The following TAS2R46 variants were observed in gnomAD, a reference collection of about 807,000 sequenced individuals.
TAS2R46 encodes taste receptor type 2 member 46.
For missense variants in TAS2R46, 361 were observed against 347.4 expected, an observed-to-expected ratio of 1.04 and a Z score of -0.31; for synonymous variants, 123 against 121.8, an observed-to-expected ratio of 1.01 and a Z score of -0.07.
chr12:11,062,040 G>A lies in TAS2R46; in HGVS notation c.255C>T (p.Tyr85=). The stretch of plus-strand genomic sequence containing the variant: ...AATGGTTGATTACTGCCCAGACATT[G>A]TAAGCAGTAATTCTTACTTCTATAC... ...FNSIEVRITA[Y]NVWAVINHFS... Residue 85 remains tyrosine, a synonymous_variant, in exon 1 of 1, where the codon TAC becomes TAT. Transcript: ENST00000533467. The A allele has an allele frequency of 6.2e-7, 1 of 1,612,256 alleles. No homozygotes were observed.
chr12:11,062,238 A>C lies in TAS2R46; in HGVS notation c.57T>G (p.Ile19Met). 6.2e-7 allele frequency: 1 copy of C among 1,613,344 alleles called. No individual in the cohort carries two copies. Among genetic ancestry groups the C allele is most frequent in the Non-Finnish European group, 8.5e-7 (1 of 1,179,544 alleles). The change falls in exon 1 of 1, where the codon ATT becomes ATG. Residue 19 changes from isoleucine to methionine, a missense_variant. Transcript: ENST00000533467. ...CTATGAAGCCATTAGCAAAATTTCC[A>C]ATCACAAATGTAACCACTATTAGAA... Reference protein sequence around the residue: ...FSILIVVTFVIGNFANGFIAL... With the variant: ...FSILIVVTFVMGNFANGFIAL...
chr12:11,061,742 A>C lies in TAS2R46; in HGVS notation c.553T>G (p.Leu185Val). 1 of 1,614,090 alleles carries C rather than the reference A, an allele frequency of 6.2e-7. No homozygotes were observed. Among genetic ancestry groups the C allele is most frequent in the Non-Finnish European group, 8.5e-7 (1 of 1,179,978 alleles). ...ATCAGGGTCAGAGTGAAGGGAACTA[A>C]GTTTGCTAGGATGGTTACCGTTGTA... ...SNTTVTILAN[L>V]VPFTLTLISF... Residue 185 changes from leucine (L) to valine (V), a missense_variant, in exon 1 of 1, where the codon TTA becomes GTA. Transcript: ENST00000533467.
At position 11,062,183 on chromosome 12, in the gene TAS2R46, T is replaced by C. The variant is rs1004956487; in HGVS notation, c.112A>G (p.Arg38Gly). The change falls in exon 1 of 1, where the codon AGA becomes GGA. Residue 38 changes from arginine to glycine, a missense_variant. Transcript: ENST00000533467. The stretch of plus-strand genomic sequence containing the variant: ...TGGTCAGCAAAAGAGATCTTTTGTC[T>C]CTTGAACCACTCAATGGAATTTACC... ...ALVNSIEWFK[R>G]QKISFADQIL... 2 of 1,613,498 alleles carry C rather than the reference T, an allele frequency of 1.2e-6. No individual in the cohort carries two copies. Among genetic ancestry groups the C allele is most frequent in the African/African-American group, 1.3e-5 (1 of 74,896 alleles).
Position 11,062,252 on chromosome 12 carries a change from C to A in TAS2R46, c.43G>T (p.Val15Phe), listed in dbSNP as rs774770069. 1.9e-6 allele frequency: 3 copies of A among 1,612,984 alleles called. No individual in the cohort carries two copies. The highest frequency in any genetic ancestry group is 2.5e-6 in the Non-Finnish European group (3 of 1,179,400). The change falls in exon 1 of 1, where the codon GTT becomes TTT. Residue 15 changes from valine to phenylalanine, a missense_variant. Coordinates refer to ENST00000533467, the MANE Select transcript of TAS2R46 (RefSeq NM_176887.2). ...GCAAAATTTCCAATCACAAATGTAACCACTATTAGAATGGAAAAAATGATG... is the reference window on the plus strand; with the variant it reads ...GCAAAATTTCCAATCACAAATGTAAACACTATTAGAATGGAAAAAATGATG... ...LPIIFSILIV[V>F]TFVIGNFANG...
Position 11,062,069 on chromosome 12 carries a change from T to A in TAS2R46, c.226A>T (p.Asn76Tyr), listed in dbSNP as rs765805745. ...GCAGTAATTCTTACTTCTATACTGT[T>A]AAAAGCTGGATTCAACTCAGTTGCA... ...WYATELNPAF[N>Y]SIEVRITAYN... The change falls in exon 1 of 1, where the codon AAC (asparagine) becomes TAC (tyrosine). Residue 76 changes from asparagine (N) to tyrosine (Y), a missense_variant. Coordinates refer to ENST00000533467, the MANE Select transcript of TAS2R46 (RefSeq NM_176887.2). 6.2e-7 allele frequency: 1 copy of A among 1,613,706 alleles called. No homozygotes were observed. Among genetic ancestry groups the A allele is most frequent in the South Asian group, 1.1e-5 (1 of 91,066 alleles).
rs1943607075 is a variant in TAS2R46 at position 11,061,621 on chromosome 12, A to G, written c.674T>C (p.Ile225Thr). ...GGAGGTCACAGTTTGCAAAGCTTTT[A>G]TGTGGACCTTCATGCTGGGATCTTG... ...GSQDPSMKVHIKALQTVTSFL... is the reference protein window; with the variant it reads ...GSQDPSMKVHTKALQTVTSFL... Residue 225 changes from isoleucine (I) to threonine (T), a missense_variant, in exon 1 of 1, where the codon ATA (isoleucine) becomes ACA (threonine). By Grantham distance (89) the Ile-to-Thr change is moderately conservative. Coordinates refer to ENST00000533467, the MANE Select transcript of TAS2R46 (RefSeq NM_176887.2). 1.2e-6 allele frequency: 2 copies of G among 1,614,096 alleles called. No individual in the cohort carries two copies. Among genetic ancestry groups the G allele is most frequent in the East Asian group, 2.2e-5 (1 of 44,878 alleles).
chr12:11,061,391 T>G lies in TAS2R46; in HGVS notation c.904A>C (p.Lys302Gln). ...TATGAAGATGAAGGCTTCTCTCCTTTCACCCAGTACCTCACATGCCACAAA... is the reference window on the plus strand; with the variant it reads ...TATGAAGATGAAGGCTTCTCTCCTTGCACCCAGTACCTCACATGCCACAAA... Reference protein sequence around the residue: ...SVLWHVRYWVKGEKPSSS With the variant: ...SVLWHVRYWVQGEKPSSS The change falls in exon 1 of 1, where the codon AAA (lysine) becomes CAA (glutamine). Residue 302 changes from lysine to glutamine, a missense_variant. Lys to Gln is a moderately conservative substitution (Grantham distance 53). Transcript: ENST00000533467. 6.2e-7 allele frequency: 1 copy of G among 1,613,736 alleles called. No homozygotes were observed. The highest frequency in any genetic ancestry group is 8.5e-7 in the Non-Finnish European group (1 of 1,179,814).
Position 11,061,373 on chromosome 12 carries a change from A to G in TAS2R46, c.922T>C (p.Ser308Pro), listed in dbSNP as rs1943592831. Reference protein sequence around the residue: ...RYWVKGEKPSSS With the variant: ...RYWVKGEKPSPS Reference sequence around the variant, plus strand: ...ATGCTGCTCTTGTGAATCTATGAAGATGAAGGCTTCTCTCCTTTCACCCAG... The same window carrying G: ...ATGCTGCTCTTGTGAATCTATGAAGGTGAAGGCTTCTCTCCTTTCACCCAG... Residue 308 changes from serine to proline, a missense_variant, in exon 1 of 1, where the codon TCT becomes CCT. Ser to Pro is a moderately conservative substitution (Grantham distance 74). Transcript: ENST00000533467. 6.2e-7 allele frequency: 1 copy of G among 1,612,430 alleles called. No individual in the cohort carries two copies. Among genetic ancestry groups the G allele is most frequent in the African/African-American group, 1.3e-5 (1 of 74,826 alleles).
At position 11,061,768 on chromosome 12, in the gene TAS2R46, T is replaced by C; in HGVS notation, c.527A>G (p.Asn176Ser). The C allele has an allele frequency of 6.2e-7, 1 of 1,614,098 alleles. No homozygotes were observed. Among genetic ancestry groups the C allele is most frequent in the Non-Finnish European group, 8.5e-7 (1 of 1,179,994 alleles). Residue 176 changes from asparagine to serine, a missense_variant, in exon 1 of 1, where the codon AAT (asparagine) becomes AGT (serine). Asn to Ser is a conservative substitution (Grantham distance 46, BLOSUM62 1). Transcript: ENST00000533467. ...IKLRSAMYLSNTTVTILANLV... is the reference protein window; with the variant it reads ...IKLRSAMYLSSTTVTILANLV... ...GTTTGCTAGGATGGTTACCGTTGTA[T>C]TTGAAAGGTACATTGCACTCCTCAG...
At chr12:11,061,620 T>TA in the TAS2R46 span, 2 of 1,613,978 alleles carry the variant, frequency 1.2e-6, no homozygotes, top group African/African-American at 2.7e-5. Flanking sequence ...GCAAAGCTTT[T>TA]ATGTGGACCT....
chr12:11,062,131 C>T lies in TAS2R46; in HGVS notation c.164G>A (p.Arg55Lys), dbSNP rs776679661. 6.2e-7 allele frequency: 1 copy of T among 1,613,662 alleles called. No homozygotes were observed. The highest frequency in any genetic ancestry group is 8.5e-7 in the Non-Finnish European group (1 of 1,179,800). ...DQILTALAVS[R>K]VGLLWVLVLN... ...TACTAATACCCAGAGTAAACCAACT[C>T]TGGAGACTGCCAGAGCAGTGAGAAT... The change falls in exon 1 of 1, where the codon AGA becomes AAA. Residue 55 changes from arginine (R) to lysine (K), a missense_variant. By Grantham distance (26) the Arg-to-Lys change is conservative (BLOSUM62 2). Coordinates refer to ENST00000533467, the MANE Select transcript of TAS2R46 (RefSeq NM_176887.2).
Position 11,061,485 on chromosome 12 carries a change from G to A in TAS2R46, c.810C>T (p.Ser270=). ...GGATGAATGGGTGGGTTGAAGGATAGCTGAATGCAATAGCTTCGCAGAACA... is the reference window on the plus strand; with the variant it reads ...GGATGAATGGGTGGGTTGAAGGATAACTGAATGCAATAGCTTCGCAGAACA... ...VFMFCEAIAF[S]YPSTHPFILI... The change falls in exon 1 of 1, where the codon AGC becomes AGT. Residue 270 remains serine, a synonymous_variant. Coordinates refer to ENST00000533467, the MANE Select transcript of TAS2R46 (RefSeq NM_176887.2). 3 of 1,614,132 alleles carry A rather than the reference G, an allele frequency of 1.9e-6. No individual in the cohort carries two copies. The highest frequency in any genetic ancestry group is 2.5e-6 in the Non-Finnish European group (3 of 1,179,980).
chr12:11,062,174 T>A lies in TAS2R46; in HGVS notation c.121A>T (p.Ile41Phe). 6.2e-7 allele frequency: 1 copy of A among 1,613,600 alleles called. No individual in the cohort carries two copies. Among genetic ancestry groups the A allele is most frequent in the Non-Finnish European group, 8.5e-7 (1 of 1,179,766 alleles). Residue 41 changes from isoleucine (I) to phenylalanine (F), a missense_variant, in exon 1 of 1, where the codon ATC (isoleucine) becomes TTC (phenylalanine). Physicochemically the swap from Ile to Phe is conservative, Grantham distance 21. Coordinates refer to ENST00000533467, the MANE Select transcript of TAS2R46 (RefSeq NM_176887.2). The stretch of plus-strand genomic sequence containing the variant: ...GTGAGAATTTGGTCAGCAAAAGAGA[T>A]CTTTTGTCTCTTGAACCACTCAATG... Reference protein sequence around the residue: ...NSIEWFKRQKISFADQILTAL... With the variant: ...NSIEWFKRQKFSFADQILTAL...
chr12:11,061,590 GA>G, the TAS2R46 span: 1 of 1,614,110 alleles, frequency 6.2e-7, no homozygotes, highest in South Asian at 1.1e-5. Context: ...CACATAACAA[GA>G]GGAAGGAGGT....
rs774533251 is a variant in TAS2R46 at position 11,062,000 on chromosome 12, C to G, written c.295G>C (p.Ala99Pro). 14 of 1,613,732 alleles carry G rather than the reference C, an allele frequency of 8.7e-6. No individual in the cohort carries two copies. Among genetic ancestry groups the G allele is most frequent in the African/African-American group, 2.7e-5 (2 of 74,882 alleles). ...AVINHFSNWL[A>P]TSLSIFYLLK... The stretch of plus-strand genomic sequence containing the variant: ...AAATAAAATATGCTGAGGCTAGTAG[C>G]AAGCCAGTTGCTGAAATGGTTGATT... Residue 99 changes from alanine (A) to proline (P), a missense_variant, in exon 1 of 1, where the codon GCT becomes CCT. Transcript: ENST00000533467.
chr12:11,061,524 G>C lies in TAS2R46; in HGVS notation c.771C>G (p.Asn257Lys), dbSNP rs776162761. 10 of 1,614,120 alleles carry C rather than the reference G, an allele frequency of 6.2e-6. No individual in the cohort carries two copies. The South Asian group carries it at 1.1e-4, about 18-fold the overall frequency. Reference sequence around the variant, plus strand: ...CTTCGCAGAACATGAAGACAGGTTTGTTTTCCAGACTCTCAAAACTCCAAA... The same window carrying C: ...CTTCGCAGAACATGAAGACAGGTTTCTTTTCCAGACTCTCAAAACTCCAAA... ...MSVWSFESLE[N>K]KPVFMFCEAI... The change falls in exon 1 of 1, where the codon AAC becomes AAG. Residue 257 changes from asparagine to lysine, a missense_variant. By Grantham distance (94) the Asn-to-Lys change is moderately conservative. Coordinates refer to ENST00000533467, the MANE Select transcript of TAS2R46 (RefSeq NM_176887.2).
Position 11,061,621 on chromosome 12 carries a change from A to T in TAS2R46, c.674T>A (p.Ile225Lys). The T allele has an allele frequency of 1.2e-6, 2 of 1,614,096 alleles. No individual in the cohort carries two copies. Among genetic ancestry groups the T allele is most frequent in the Non-Finnish European group, 1.7e-6 (2 of 1,179,972 alleles). The change falls in exon 1 of 1, where the codon ATA becomes AAA. Residue 225 changes from isoleucine (I) to lysine (K), a missense_variant. Coordinates refer to ENST00000533467, the MANE Select transcript of TAS2R46 (RefSeq NM_176887.2). ...GSQDPSMKVH[I>K]KALQTVTSFL... ...GGAGGTCACAGTTTGCAAAGCTTTT[A>T]TGTGGACCTTCATGCTGGGATCTTG...
rs1565610431 is a variant in TAS2R46, at chr12:11,062,285, A to G, written c.10T>C (p.Phe4Leu). 3 of 1,611,492 alleles carry G rather than the reference A, an allele frequency of 1.9e-6. No homozygotes were observed. Among genetic ancestry groups the G allele is most frequent in the East Asian group, 2.2e-5 (1 of 44,838 alleles). The change falls in exon 1 of 1, where the codon TTT (phenylalanine) becomes CTT (leucine). Residue 4 changes from phenylalanine (F) to leucine (L), a missense_variant. Transcript: ENST00000533467. The part of the protein sequence containing the change: MIT[F>L]LPIIFSILIV... ...AGAATGGAAAAAATGATGGGCAGAA[A>G]AGTTATCATGTCTGAACAGACAAAA...
Position 11,061,756 on chromosome 12 carries a change from G to T in TAS2R46, c.539C>A (p.Thr180Asn), listed in dbSNP as rs1346697664. 6.2e-7 allele frequency: 1 copy of T among 1,614,080 alleles called. No homozygotes were observed. Among genetic ancestry groups the T allele is most frequent in the Non-Finnish European group, 8.5e-7 (1 of 1,179,990 alleles). The change falls in exon 1 of 1, where the codon ACC becomes AAC. Residue 180 changes from threonine to asparagine, a missense_variant. Coordinates refer to ENST00000533467, the MANE Select transcript of TAS2R46 (RefSeq NM_176887.2). ...GAAGGGAACTAAGTTTGCTAGGATG[G>T]TTACCGTTGTATTTGAAAGGTACAT... ...SAMYLSNTTV[T>N]ILANLVPFTL...
Sources: allele counts gnomAD v4.1 joint callset, GRCh38; gene constraint gnomAD v4.1.1; transcripts MANE v1.5; gene names NCBI Gene and HGNC (gene_info 2026-07-23, HGNC 2026-07-21).